The following VPS13C variants were observed in gnomAD, a reference collection of about 807,000 sequenced individuals.
VPS13C encodes vacuolar protein sorting 13 homolog C.
In VPS13C, 358 loss-of-function variants were observed where a neutral mutation model predicts 456.8. The observed-to-expected ratio is 0.78, with a 90% CI of 0.72 to 0.86. The LOEUF (loss-of-function observed/expected upper bound fraction) is 0.86, where lower values mean the gene tolerates loss of function less well. Ranked by LOEUF, VPS13C falls within the 40% of genes least tolerant of loss-of-function variation. The pLI, the probability that VPS13C is intolerant of heterozygous loss-of-function variation, is 0.00. For synonymous variants in VPS13C, 1,578 were observed against 1,486.7 expected (o/e 1.06, Z -1.41); for missense variants, 4,818 against 4,385.4 (o/e 1.10, Z -2.79).
chr15:61,918,323 C>T, intron 58 of VPS13C, 66 bp from the exon 59 acceptor site: 1 of 1,365,140 alleles, frequency 7.3e-7, no homozygotes, highest in South Asian at 1.6e-5. Context: ...AAATGAGAGC[C>T]ACAAACAAAT....
chr15:61,909,942 A>C (rs901603493), intron 64 of VPS13C, among the ~76,000 whole-genome samples: 13 of 128,640 alleles, frequency 1.0e-4, no homozygotes, highest in Non-Finnish European at 1.9e-4. Context: ...ACACTTGGAC[A>C]CAGGAAGGGG....
At chr15:62,017,832 G>A (rs2047313733) in intron 9 of VPS13C, among the ~76,000 whole-genome samples, 1 of 152,188 alleles carries the variant, frequency 6.6e-6, no homozygotes, top group African/African-American at 2.4e-5. Flanking sequence ...GAAAGTCATT[G>A]GTAGCTTGAT....
chr15:62,057,289 ATT>A (rs1051401895), intron 1 of VPS13C, among the ~76,000 whole-genome samples: 1 of 152,160 alleles, frequency 6.6e-6, no homozygotes, highest in Non-Finnish European at 1.5e-5. Context: ...AGAATTTTCA[ATT>A]TTTTGTAAAA....
Position 61,961,602 on chromosome 15 carries a change from G to C in VPS13C, c.3895C>G (p.Leu1299Val). 1 of 1,598,156 alleles carries C rather than the reference G, an allele frequency of 6.3e-7. No homozygotes were observed. The change falls in exon 35 of 85, where the codon CTT (leucine) becomes GTT (valine). Residue 1299 changes from leucine to valine, a missense_variant. Leu to Val is a conservative substitution (Grantham distance 32). Coordinates refer to ENST00000644861, the MANE Select transcript of VPS13C (RefSeq NM_020821.3). The stretch of plus-strand genomic sequence containing the variant: ...GAAAGAGCATACCTATAAAGTGTAA[G>C]CTTTGTTAGCTGCACATCCATTCTA... ...IDRMDVQLTK[L>V]TLYRTVIQPG...
At chr15:61,876,907 T>A in intron 75 of VPS13C, 66 bp downstream of exon 75, 1 of 1,242,800 alleles carries the variant, frequency 8.0e-7, no homozygotes. Context: ...CACTATACAG[T>A]CACATGCAAA....
At chr15:62,034,863 ATCTT>A in intron 4 of VPS13C, 90 bp downstream of exon 4, 1 of 803,980 alleles carries the variant, frequency 1.2e-6, no homozygotes, top group Non-Finnish European at 1.9e-6. Context: ...ATTACCTTCT[ATCTT>A]AATAAATAAA....
intron 27 of VPS13C, among the ~76,000 whole-genome samples, chr15:61,972,346 G>T (rs577437696): frequency 1.3e-5 from 2 of 152,170 alleles, no homozygotes; most frequent in Non-Finnish European, 2.9e-5. Flanking sequence ...CTGCAGAAAA[G>T]TAAGTTCTAA....
rs750165757 is a variant in VPS13C, at chr15:61,929,577, C to G, written c.6210G>C (p.Gln2070His). 1.2e-6 allele frequency: 2 copies of G among 1,614,072 alleles called. No homozygotes were observed. Among genetic ancestry groups the G allele is most frequent in the Admixed American group, 3.3e-5 (2 of 60,020 alleles). ...VADFFIKAVP[Q>H]SPENVAKETQ... ...TTTCTTTTGCCACATTTTCTGGACT[C>G]TGAGGCACAGCTTTGATAAAGAAAT... Residue 2070 changes from glutamine (Q) to histidine (H), a missense_variant, in exon 51 of 85, where the codon CAG (glutamine) becomes CAC (histidine). By Grantham distance (24) the Gln-to-His change is conservative (BLOSUM62 0). Around this residue, in one of 3 missense-constraint regions of VPS13C, gnomAD observed 4,552 missense variants for 4,130.6 expected, o/e 1.10. Coordinates refer to ENST00000644861, the MANE Select transcript of VPS13C (RefSeq NM_020821.3).
chr15:61,973,654 A>G (rs2045621701), intron 25 of VPS13C, 122 bp from the exon 26 acceptor site: 2 of 639,856 alleles, frequency 3.1e-6, no homozygotes, highest in Non-Finnish European at 2.8e-6. Context: ...CATACACACA[A>G]TATAACACAA....
chr15:61,952,134 C>A (rs938211600), intron 38 of VPS13C, among the ~76,000 whole-genome samples, 154 bp from the exon 39 acceptor site: 2 of 152,168 alleles, frequency 1.3e-5, no homozygotes, highest in African/African-American at 4.8e-5. Flanking sequence ...TGGCATGATT[C>A]CCAGAACTCC....
chr15:61,959,716 T>C (rs2045130843), intron 35 of VPS13C, 121 bp from the exon 36 acceptor site: 5 of 956,966 alleles, frequency 5.2e-6, no homozygotes, highest in African/African-American at 1.6e-5. Context: ...CAGTGTGGCT[T>C]GAGTATTTTC....
intron 66 of VPS13C, among the ~76,000 whole-genome samples, chr15:61,906,344 T>C (rs1187173189): frequency 6.6e-6 from 1 of 152,136 alleles, no homozygotes; most frequent in African/African-American, 2.4e-5. Context: ...TAACACCAAA[T>C]AGAAGAGAAA....
In VPS13C at chr15:61,941,662, G is replaced by A. The variant is rs80282783; in HGVS notation, c.5453+101C>T. The A allele has an allele frequency of 2.0e-3, 2,563 of 1,268,240 alleles. 20 individuals are homozygous for A. The highest frequency in any genetic ancestry group is 0.016 in the Admixed American group (594 of 38,172). The allele number at this position is 1,268,240 out of a possible 1,614,324, so 78.6% of individuals were successfully genotyped here. ...AGGTTTCATAATTAGAAGAAATAAG[G>A]AATGAAAACCACAAATTACTACAAC... On this transcript the variant is annotated intron_variant, in intron 46 of 84. Coordinates refer to ENST00000644861, the MANE Select transcript of VPS13C (RefSeq NM_020821.3).
chr15:61,995,831 C>T (rs1023990675), intron 16 of VPS13C, among the ~76,000 whole-genome samples: 2 of 152,154 alleles, frequency 1.3e-5, no homozygotes, highest in African/African-American at 2.4e-5. Context: ...ACCTAGACTC[C>T]AGACCCAGAG....
At chr15:62,037,983 C>T (rs940100152) in intron 3 of VPS13C, among the ~76,000 whole-genome samples, 2 of 151,864 alleles carry the variant, frequency 1.3e-5, no homozygotes, top group African/African-American at 4.8e-5. Flanking sequence ...CTAAGAGATG[C>T]TAGAGTAGTG....
chr15:61,995,068 C>A (rs983881710), intron 16 of VPS13C, among the ~76,000 whole-genome samples: 1 of 152,232 alleles, frequency 6.6e-6, no homozygotes, highest in African/African-American at 2.4e-5. Flanking sequence ...TGTTCCTACT[C>A]ACTGTCTCCC....
At chr15:61,904,971 A>G (rs2043112411) in intron 66 of VPS13C, among the ~76,000 whole-genome samples, 1 of 152,100 alleles carries the variant, frequency 6.6e-6, no homozygotes, top group South Asian at 2.1e-4. Flanking sequence ...GTTGGTTACC[A>G]AAGGATGAGA....
intron 5 of VPS13C, among the ~76,000 whole-genome samples, chr15:62,030,271 T>C (rs1263015605): frequency 6.6e-6 from 1 of 152,138 alleles, no homozygotes; most frequent in African/African-American, 2.4e-5. Flanking sequence ...AAAGGAAATA[T>C]AGTCATAGTA....
chr15:61,893,251 C>T (rs565322884), intron 66 of VPS13C, among the ~76,000 whole-genome samples: 5 of 152,136 alleles, frequency 3.3e-5, no homozygotes, highest in Middle Eastern at 3.4e-3. Flanking sequence ...AAGCAGATAA[C>T]ATATAAAGAA....
Sources: gnomAD v4.1 joint callset for allele counts (sites outside exome capture counted in the v4.1 genomes callset) on GRCh38, gnomAD v4.1.1 for gene constraint, gnomAD v4.1.1 regional missense constraint, MANE v1.5 for transcripts, NCBI Gene and HGNC (gene_info 2026-07-23, HGNC 2026-07-21) for gene names.